Variants in CRAMP1 observed in about 807,000 individuals in gnomAD.
The protein encoded by CRAMP1 is protein cramped-like.
In CRAMP1, 50 loss-of-function variants were observed where a neutral mutation model predicts 115.4. The observed-to-expected ratio is 0.43, with a 90% CI of 0.35 to 0.55. CRAMP1 has a LOEUF of 0.55. Among genes scored for constraint, CRAMP1 ranks in the 20% least tolerant of loss-of-function variants. CRAMP1 has a pLI of 0.01. For missense variants in CRAMP1, 1,679 were observed against 1,721.7 expected, an observed-to-expected ratio of 0.98 and a Z score of 0.44; for synonymous variants, 866 against 745.4, an observed-to-expected ratio of 1.16 and a Z score of -2.64.
chr16:1,632,319 C>T lies in CRAMP1; in HGVS notation c.648C>T (p.Tyr216=). ...VKNKEQVRHF[Y]YRTWHKITKY... is the part of the protein sequence containing the mutation. ...ACAAGGAGCAGGTCCGCCACTTCTA[C>T]TACCGCACCTGGCACAAGATCACCA... Residue 216 remains tyrosine (Y), a synonymous_variant, in exon 4 of 21, where the codon TAC becomes TAT. Coordinates refer to ENST00000397412, the MANE Select transcript of CRAMP1 (RefSeq NM_020825.4). 1 of 1,601,382 alleles carries T rather than the reference C, an allele frequency of 6.2e-7. No homozygotes were observed. The highest frequency in any genetic ancestry group is 8.5e-7 in the Non-Finnish European group (1 of 1,174,426).
At chr16:1,636,037 A>G (rs1277000577) in intron 4 of CRAMP1, among the ~76,000 whole-genome samples, 13 of 152,178 alleles carry the variant, frequency 8.5e-5, no homozygotes, top group Non-Finnish European at 1.5e-5. Flanking sequence ...TCTACTGAAT[A>G]GTGGATCTTA....
intron 2 of CRAMP1, among the ~76,000 whole-genome samples, chr16:1,622,532 C>A (rs563189781): frequency 9.2e-5 from 14 of 152,136 alleles, no homozygotes; most frequent in Non-Finnish European, 1.9e-4. Flanking sequence ...AAAAAGCACT[C>A]CAAGTCTAGA....
chr16:1,649,423 C>T (rs1240306370), intron 6 of CRAMP1, among the ~76,000 whole-genome samples: 1 of 152,230 alleles, frequency 6.6e-6, no homozygotes, highest in Non-Finnish European at 1.5e-5. Flanking sequence ...GCTACTGAAA[C>T]CCAGCTGCTG....
Position 1,614,582 on chromosome 16 carries a change from G to T in CRAMP1, c.-1-57G>T, listed in dbSNP as rs1028295962. 8.9e-7 allele frequency: 1 copy of T among 1,118,356 alleles called. No individual in the cohort carries two copies. The allele number at this position is 1,118,356 out of a possible 1,614,324, so 69.3% of individuals were successfully genotyped here. On this transcript the variant is annotated intron_variant, in intron 1 of 20. Coordinates refer to ENST00000397412, the MANE Select transcript of CRAMP1 (RefSeq NM_020825.4). The surrounding 1 kb of genome is among the most constrained non-coding windows in gnomAD (Gnocchi z 4.4). ...GCCATGTTGAGAGCGCGTCGGGGCC[G>T]CTAAACTTCCCGGCCTGCGCCCGCC...
In CRAMP1 at chr16:1,612,590, C is replaced by T. The variant is rs954105192; in HGVS notation, c.-69C>T. On this transcript the variant is annotated 5_prime_UTR_variant, in exon 1 of 21. Transcript: ENST00000397412. ...GCTCGGGGGCCGGGGCTGCCCGGCC[C>T]GGCTGGTTCTGCGGGCACCCGGGGA... Among the ~76,000 whole-genome samples the T allele has an allele frequency of 2.6e-5, 4 of 151,798 alleles. No individual in the cohort carries two copies. The highest frequency in any genetic ancestry group is 7.3e-5 in the African/African-American group (3 of 41,366).
chr16:1,628,314 C>G (rs1344082486), intron 3 of CRAMP1, among the ~76,000 whole-genome samples: 2 of 152,220 alleles, frequency 1.3e-5, no homozygotes, highest in Admixed American at 1.3e-4. Flanking sequence ...AGCGCAGTGG[C>G]ACGATCTTGG....
chr16:1,657,553 C>T (rs1287030874), intron 10 of CRAMP1, among the ~76,000 whole-genome samples: 1 of 152,208 alleles, frequency 6.6e-6, no homozygotes, highest in Non-Finnish European at 1.5e-5. Context: ...AGCTGCTGTG[C>T]AGATGTGGCA....
chr16:1,635,206 G>A (rs2036578146), intron 4 of CRAMP1, among the ~76,000 whole-genome samples: 1 of 152,074 alleles, frequency 6.6e-6, no homozygotes, highest in Non-Finnish European at 1.5e-5. Flanking sequence ...CCTGTGCTTT[G>A]GAGTTTTGAA....
At position 1,668,097 on chromosome 16, in the gene CRAMP1, C is replaced by T. The variant is rs1292965650; in HGVS notation, c.3238C>T (p.Leu1080=). 1 of 1,613,818 alleles carries T rather than the reference C, an allele frequency of 6.2e-7. No individual in the cohort carries two copies. Among genetic ancestry groups the T allele is most frequent in the East Asian group, 2.2e-5 (1 of 44,878 alleles). The change falls in exon 18 of 21, where the codon CTG becomes TTG. Residue 1080 remains leucine (L), a synonymous_variant. Transcript: ENST00000397412. The part of the protein sequence containing the change: ...PDVSALLDIS[L]PGPPEDALSQ... ...CGTCTCTGCTCTGCTCGACATCTCC[C>T]TGCCCGGCCCACCTGAGGATGCGCT... is the stretch of plus-strand genomic sequence containing the variant.
chr16:1,624,638 G>C (rs1304326864), intron 2 of CRAMP1, among the ~76,000 whole-genome samples: 2 of 152,054 alleles, frequency 1.3e-5, no homozygotes, highest in East Asian at 3.9e-4. Flanking sequence ...GAGTGCAGTG[G>C]CGCGATCTCG....
At chr16:1,662,375 C>A in intron 11 of CRAMP1, 115 bp from the exon 12 acceptor site, 1 of 797,582 alleles carries the variant, frequency 1.3e-6, no homozygotes, top group Non-Finnish European at 2.1e-6. Context: ...TTCAAGGCAG[C>A]CGAACGGGTT....
intron 5 of CRAMP1, among the ~76,000 whole-genome samples, 199 bp from the exon 6 acceptor site, chr16:1,640,940 C>G (rs78672477): frequency 0.045 from 6,824 of 152,018 alleles, 415 homozygotes; most frequent in Admixed American, 0.14. Flanking sequence ...TTCAGGTGAG[C>G]GGGGGCGACC....
chr16:1,636,225 G>A (rs529246345), intron 4 of CRAMP1, among the ~76,000 whole-genome samples: 14 of 152,140 alleles, frequency 9.2e-5, no homozygotes, highest in Non-Finnish European at 1.5e-4. Context: ...ACAAACATTA[G>A]CAGGGCGTGG....
chr16:1,632,284 A>G lies in CRAMP1; in HGVS notation c.613A>G (p.Met205Val). The change falls in exon 4 of 21, where the codon ATG (methionine) becomes GTG (valine). Residue 205 changes from methionine (M) to valine (V), a missense_variant. Around this residue, in one of 8 missense-constraint regions of CRAMP1, gnomAD observed 44 missense variants for 92.4 expected, o/e 0.48. Coordinates refer to ENST00000397412, the MANE Select transcript of CRAMP1 (RefSeq NM_020825.4). ...CAAGAAGAAAGGCAAGCCAGCAAGC[A>G]TGGTGAAGAACAAGGAGCAGGTCCG... ...KYKKKGKPASMVKNKEQVRHF... is the reference protein window; with the variant it reads ...KYKKKGKPASVVKNKEQVRHF... The G allele has an allele frequency of 3.1e-6, 5 of 1,599,002 alleles. No homozygotes were observed. The highest frequency in any genetic ancestry group is 1.7e-4 in the Middle Eastern group (1 of 6,052).
rs1160323746 is a variant in CRAMP1 at position 1,669,371 on chromosome 16, A to G, written c.3499+206A>G. ...CACATTTTTAGTGTACAGTTCACCA[A>G]GCTTTGGCAAGCATGTATAGCCTGG... On this transcript the variant is annotated intron_variant, in intron 19 of 20. Coordinates refer to ENST00000397412, the MANE Select transcript of CRAMP1 (RefSeq NM_020825.4). This position sits in a 1 kb window ranked among gnomAD's most constrained non-coding sequence, Gnocchi z 4.6. Among the ~76,000 whole-genome samples the G allele has an allele frequency of 6.6e-6, 1 of 152,246 alleles. No individual in the cohort carries two copies. Among genetic ancestry groups the G allele is most frequent in the Non-Finnish European group, 1.5e-5 (1 of 68,034 alleles).
At chr16:1,652,811 G>C (rs1448759061) in intron 7 of CRAMP1, among the ~76,000 whole-genome samples, 2 of 152,218 alleles carry the variant, frequency 1.3e-5, no homozygotes. Context: ...AGGTTGTCAG[G>C]ATCGAGTCTC....
intron 19 of CRAMP1, 54 bp from the exon 20 acceptor site, chr16:1,670,610 C>A: frequency 6.3e-7 from 1 of 1,592,752 alleles, no homozygotes; most frequent in Non-Finnish European, 8.6e-7. Context: ...TTCCGCTGGA[C>A]TGGTCCAGAC....
chr16:1,630,538 C>T (rs1418646139), intron 3 of CRAMP1, among the ~76,000 whole-genome samples: 1 of 152,338 alleles, frequency 6.6e-6, no homozygotes, highest in East Asian at 1.9e-4. Flanking sequence ...GCCTCCACAG[C>T]ATTAGGGCAG....
chr16:1,641,155 TGC>T lies in CRAMP1; in HGVS notation c.796_797del (p.Ala266AsnfsTer5). On this transcript the variant is annotated frameshift_variant, in exon 6 of 21. Coordinates refer to ENST00000397412, the MANE Select transcript of CRAMP1 (RefSeq NM_020825.4). LOFTEE classifies it high-confidence loss of function. ...CATTTAAAGGTATGGATGACAAGAA[TGC>T]AACAAAGCTGAATGAACTCATTCAG... The part of the protein sequence containing the change: ...KIGGCMDDKN[A>X]TKLNELIQVG... 6.2e-7 allele frequency: 1 copy of T among 1,611,860 alleles called. No individual in the cohort carries two copies. The highest frequency in any genetic ancestry group is 8.5e-7 in the Non-Finnish European group (1 of 1,178,008).
Sources: allele counts gnomAD v4.1 joint callset (sites outside exome capture counted in the v4.1 genomes callset), GRCh38; gene constraint gnomAD v4.1.1; regional missense constraint gnomAD v4.1.1; non-coding constraint Gnocchi (gnomAD v3.1); transcripts MANE v1.5; gene names NCBI Gene and HGNC (gene_info 2026-07-23, HGNC 2026-07-21).